SELENOT: variants seen among roughly 807,000 people sequenced by gnomAD.
SELENOT encodes thioredoxin reductase-like selenoprotein T.
Under a neutral mutation model 24.3 loss-of-function variants are expected in SELENOT, and 9 were observed. The observed-to-expected ratio is 0.37, with a 90% confidence interval of 0.22 to 0.65. The LOEUF is 0.65. SELENOT is among the 30% of genes least tolerant of loss of function. SELENOT has a pLI of 0.60. For synonymous variants in SELENOT, 81 were observed against 86.0 expected (o/e 0.94, Z 0.32); for missense variants, 166 against 247.6 (o/e 0.67, Z 2.21).
At chr3:150,611,168 C>A (rs1031176673) in intron 1 of SELENOT, 8 of 678,028 alleles carry the variant, frequency 1.2e-5, no homozygotes, top group South Asian at 2.1e-5. Context: ...ATCAGAAAAT[C>A]TTTTGCAGAA....
rs1357646373 is a variant in SELENOT at position 150,628,910 on chromosome 3, TTG to T, written c.*1282_*1283del. Reference sequence around the variant, plus strand: ...TTGAGTATCCCTTTTCCAAAAATGCTTGGGACAAGAAGTATTTCAGATTTCAT... The same window carrying T: ...TTGAGTATCCCTTTTCCAAAAATGCTGGACAAGAAGTATTTCAGATTTCAT... On this transcript the variant is annotated 3_prime_UTR_variant, in exon 6 of 6. Transcript: ENST00000471696. The T allele has an allele frequency of 2.6e-5, 4 of 152,190 alleles. No individual in the cohort carries two copies. Among genetic ancestry groups the T allele is most frequent in the African/African-American group, 9.6e-5 (4 of 41,460 alleles). The allele number at this position is 152,190 out of a possible 1,614,324, so 9.4% of individuals were successfully genotyped here.
At chr3:150,608,022 G>A (rs1304406613) in intron 1 of SELENOT, among the ~76,000 whole-genome samples, 2 of 152,218 alleles carry the variant, frequency 1.3e-5, no homozygotes, top group East Asian at 3.8e-4. Flanking sequence ...AGATCTTTAT[G>A]TGGTAAATTT....
chr3:150,619,589 T>C (rs1002217802), intron 1 of SELENOT, among the ~76,000 whole-genome samples: 1 of 152,148 alleles, frequency 6.6e-6, no homozygotes, highest in South Asian at 2.1e-4. Flanking sequence ...GGACATTTAG[T>C]CCGGAGCAGA....
chr3:150,608,748 G>A (rs563097532), intron 1 of SELENOT, among the ~76,000 whole-genome samples: 12 of 152,322 alleles, frequency 7.9e-5, no homozygotes, highest in African/African-American at 2.9e-4. Flanking sequence ...GCTGCAGCAT[G>A]TAATTGAACT....
intron 1 of SELENOT, among the ~76,000 whole-genome samples, chr3:150,612,362 G>A (rs1030410651): frequency 6.6e-6 from 1 of 152,124 alleles, no homozygotes; most frequent in Non-Finnish European, 1.5e-5. Flanking sequence ...CAAAGTGCTG[G>A]GATTACAGGT....
chr3:150,622,507 T>G lies in SELENOT; in HGVS notation c.248+12T>G. On this transcript the variant is annotated intron_variant, in intron 2 of 5. Coordinates refer to ENST00000471696, the MANE Select transcript of SELENOT (RefSeq NM_016275.5). Reference sequence around the variant, plus strand: ...CAACCAATATATAGGTAAGAAATTTTAATAACTTAAAAGGAAAACAATGTA... The same window carrying G: ...CAACCAATATATAGGTAAGAAATTTGAATAACTTAAAAGGAAAACAATGTA... 7.8e-7 allele frequency: 1 copy of G among 1,288,362 alleles called. No individual in the cohort carries two copies. Among genetic ancestry groups the G allele is most frequent in the South Asian group, 1.6e-5 (1 of 64,062 alleles). 79.8% of individuals were successfully genotyped at this position (1,288,362 alleles called of 1,614,324 possible). A position where few individuals can be genotyped will look rare whatever the true frequency, so the allele number is the denominator to read the frequency against.
intron 1 of SELENOT, chr3:150,611,484 T>C: frequency 8.5e-7 from 1 of 1,177,926 alleles, no homozygotes; most frequent in Admixed American, 1.7e-5. Flanking sequence ...AATCAACCTC[T>C]GGGGTATCGA....
chr3:150,608,882 C>G (rs1004341228), intron 1 of SELENOT, among the ~76,000 whole-genome samples: 6 of 152,192 alleles, frequency 3.9e-5, no homozygotes, highest in Non-Finnish European at 5.9e-5. Flanking sequence ...AAAATTGAAA[C>G]ATAATTTCCT....
chr3:150,604,071 G>A (rs985910641), intron 1 of SELENOT, among the ~76,000 whole-genome samples: 3 of 152,256 alleles, frequency 2.0e-5, no homozygotes, highest in Non-Finnish European at 4.4e-5. Flanking sequence ...GCTGGAGGGG[G>A]TGGAAGGAAG....
chr3:150,605,103 A>C (rs1259134395), intron 1 of SELENOT, among the ~76,000 whole-genome samples: 1 of 151,600 alleles, frequency 6.6e-6, no homozygotes, highest in African/African-American at 2.4e-5. Context: ...TCTTTCATGT[A>C]ATACTGCAAA....
intron 1 of SELENOT, among the ~76,000 whole-genome samples, chr3:150,615,455 T>G (rs1054593337): frequency 1.3e-5 from 2 of 152,010 alleles, no homozygotes; most frequent in Non-Finnish European, 2.9e-5. Flanking sequence ...ACTTCCACAA[T>G]GGTTGAACTA....
At chr3:150,609,846 G>T (rs1172732809) in intron 1 of SELENOT, among the ~76,000 whole-genome samples, 8 of 152,114 alleles carry the variant, frequency 5.3e-5, no homozygotes, top group Admixed American at 2.0e-4. Context: ...TGACCTTTCT[G>T]TCTACCTTAT....
At chr3:150,621,333 G>A (rs1010802328) in intron 1 of SELENOT, among the ~76,000 whole-genome samples, 3 of 151,804 alleles carry the variant, frequency 2.0e-5, no homozygotes, top group South Asian at 4.2e-4. Context: ...CCATTTTACC[G>A]TGTCAGATAG....
Position 150,603,461 on chromosome 3 carries a change from G to A in SELENOT, c.99G>A (p.Met33Ile), listed in dbSNP as rs1725891491. The A allele has an allele frequency of 6.2e-7, 1 of 1,611,668 alleles. No homozygotes were observed. Among genetic ancestry groups the A allele is most frequent in the Admixed American group, 1.7e-5 (1 of 59,848 alleles). Residue 33 changes from methionine (M) to isoleucine (I), a missense_variant, in exon 1 of 6, where the codon ATG becomes ATA. Physicochemically the swap from Met to Ile is conservative, Grantham distance 10. Transcript: ENST00000471696. The part of the protein sequence containing the change: ...LGGVPSKRLK[M>I]QYATGPLLKF... ...GCGTGCCCAGCAAGAGATTAAAGAT[G>A]CAGTACGCCACGGGGCCGCTGCTCA...
intron 4 of SELENOT, 105 bp downstream of exon 4, chr3:150,625,004 A>C: frequency 1.9e-6 from 1 of 532,478 alleles, no homozygotes; most frequent in Non-Finnish European, 3.0e-6. Context: ...GTGTTTGTAT[A>C]AAAGTAAGTT....
intron 2 of SELENOT, among the ~76,000 whole-genome samples, 156 bp from the exon 3 acceptor site, chr3:150,622,887 T>C (rs1576534376): frequency 6.6e-6 from 1 of 152,218 alleles, no homozygotes; most frequent in East Asian, 1.9e-4. Context: ...TTAAACATTT[T>C]TGTTTTAACA....
chr3:150,611,587 CAT>C lies in SELENOT; in HGVS notation c.137+8091_137+8092del, dbSNP rs1347250312. On this transcript the variant is annotated intron_variant, in intron 1 of 5. Coordinates refer to ENST00000471696, the MANE Select transcript of SELENOT (RefSeq NM_016275.5). The stretch of plus-strand genomic sequence containing the variant: ...CTGAATTAAGTTTTTATGATAATCA[CAT>C]ATGTAAAGATGCCTGCGCTCTTATC... 2.0e-5 allele frequency: 26 copies of C among 1,308,820 alleles called. No homozygotes were observed. In the African/African-American group the frequency reaches 2.6e-4, roughly 13 times the overall value. The allele number at this position is 1,308,820 out of a possible 1,614,324, so 81.1% of individuals were successfully genotyped here.
intron 1 of SELENOT, chr3:150,603,730 T>G (rs1212094171): frequency 2.5e-6 from 1 of 407,686 alleles, no homozygotes; most frequent in East Asian, 4.1e-5. Context: ...ACAGTGGGAA[T>G]GGGGAAGGAG....
intron 1 of SELENOT, among the ~76,000 whole-genome samples, chr3:150,615,437 CCA>C (rs1409283787): frequency 6.6e-6 from 1 of 151,784 alleles, no homozygotes; most frequent in East Asian, 1.9e-4. Context: ...TGAGGAATCG[CCA>C]CACTGACTTC....
Sources: gnomAD v4.1 joint callset for allele counts (sites outside exome capture counted in the v4.1 genomes callset) on GRCh38, gnomAD v4.1.1 for gene constraint, MANE v1.5 for transcripts, NCBI Gene and HGNC (gene_info 2026-07-23, HGNC 2026-07-21) for gene names.